The following CUL1 variants were observed in gnomAD, a reference collection of about 807,000 sequenced individuals.
CUL1 encodes cullin-1.
Under a neutral mutation model 118.0 loss-of-function variants are expected in CUL1, and 24 were observed. That is an observed-to-expected ratio of 0.20 (90% CI 0.15 to 0.29). The LOEUF is 0.29. Among genes scored for constraint, CUL1 ranks in the 10% least tolerant of loss-of-function variants. The pLI is 1.00. For missense variants in CUL1, 361 were observed against 933.8 expected, an observed-to-expected ratio of 0.39 and a Z score of 7.99; for synonymous variants, 332 against 340.4, an observed-to-expected ratio of 0.98 and a Z score of 0.27.
At chr7:148,788,525 A>G in intron 13 of CUL1, 32 bp from the exon 14 acceptor site, 2 of 1,395,616 alleles carry the variant, frequency 1.4e-6, no homozygotes, top group Non-Finnish European at 2.0e-6. Context: ...TTTTGTACAA[A>G]TTAATAAGAC....
intron 1 of CUL1, among the ~76,000 whole-genome samples, chr7:148,708,985 G>A (rs906190304): frequency 6.6e-6 from 1 of 152,188 alleles, no homozygotes; most frequent in Non-Finnish European, 1.5e-5. Context: ...TTACACTAAA[G>A]TTTTGTTTCA....
At chr7:148,784,420 A>C (rs1281133583) in intron 11 of CUL1, among the ~76,000 whole-genome samples, 1 of 152,136 alleles carries the variant, frequency 6.6e-6, no homozygotes, top group African/African-American at 2.4e-5. Context: ...GTGTAGTTTT[A>C]AATTTATTTT....
At chr7:148,757,943 CCTCCCGCAACATGT>C (rs1156367687) in intron 4 of CUL1, among the ~76,000 whole-genome samples, 1 of 152,198 alleles carries the variant, frequency 6.6e-6, no homozygotes, top group Non-Finnish European at 1.5e-5. Context: ...CCACTGGGTG[CCTCCCGCAACATGT>C]GGGAATTACG....
chr7:148,717,420 GT>G (rs897167781), intron 1 of CUL1, among the ~76,000 whole-genome samples: 5 of 152,196 alleles, frequency 3.3e-5, no homozygotes, highest in African/African-American at 1.2e-4. Context: ...AAGTTCAAAA[GT>G]ATAAATTTGA....
intron 2 of CUL1, among the ~76,000 whole-genome samples, chr7:148,736,653 C>T (rs935803465): frequency 6.6e-6 from 1 of 152,178 alleles, no homozygotes; most frequent in African/African-American, 2.4e-5. Flanking sequence ...ATTTTTTAAA[C>T]TTTATCCTAA....
At chr7:148,748,185 T>G (rs1322176359) in intron 2 of CUL1, among the ~76,000 whole-genome samples, 1 of 151,912 alleles carries the variant, frequency 6.6e-6, no homozygotes, top group Non-Finnish European at 1.5e-5. Context: ...CAAAACAGGA[T>G]CGTAGAAATT....
At chr7:148,748,737 G>A (rs1008483055) in intron 2 of CUL1, among the ~76,000 whole-genome samples, 1 of 152,116 alleles carries the variant, frequency 6.6e-6, no homozygotes, top group Non-Finnish European at 1.5e-5. Context: ...TTCTGGCCCA[G>A]CAGAAATTAT....
chr7:148,779,656 GTCA>G, intron 9 of CUL1, among the ~76,000 whole-genome samples: 1 of 152,314 alleles, frequency 6.6e-6, no homozygotes, highest in East Asian at 1.9e-4. Context: ...GAGTGATACA[GTCA>G]TGGAATCGAC....
At chr7:148,733,092 G>A (rs1396169962) in intron 2 of CUL1, among the ~76,000 whole-genome samples, 1 of 152,122 alleles carries the variant, frequency 6.6e-6, no homozygotes, top group East Asian at 1.9e-4. Flanking sequence ...AGCCAGTGGT[G>A]GTGGTGAGGC....
At chr7:148,738,169 A>G (rs1799021168) in intron 2 of CUL1, among the ~76,000 whole-genome samples, 1 of 152,180 alleles carries the variant, frequency 6.6e-6, no homozygotes, top group South Asian at 2.1e-4. Flanking sequence ...TGCTGTGGGT[A>G]ACAGAGACAT....
At chr7:148,716,764 A>G (rs564624449) in intron 1 of CUL1, among the ~76,000 whole-genome samples, 1 of 152,184 alleles carries the variant, frequency 6.6e-6, no homozygotes, top group South Asian at 2.1e-4. Context: ...TTTTTTTCTT[A>G]ACAGTTTTCA....
chr7:148,699,064 TGGC>T (rs924893127), intron 1 of CUL1, 35 bp downstream of exon 1: 19 of 152,480 alleles, frequency 1.2e-4, no homozygotes, highest in Non-Finnish European at 2.0e-4. Flanking sequence ...CGAGAGGAGG[TGGC>T]GGCGGCGGCG....
Position 148,791,207 on chromosome 7 carries a change from A to G in CUL1, c.1806+766A>G, listed in dbSNP as rs149850433. ...AAAAGTCCAAGCTCTTTCTACTTCC[A>G]CTTTTGTACTGAGTGGTCTTCACAA... is the stretch of plus-strand genomic sequence containing the variant. On this transcript the variant is annotated intron_variant, in intron 16 of 21. Transcript: ENST00000325222. 1.4e-4 allele frequency among the ~76,000 whole-genome samples: 22 copies of G among 152,302 alleles called. No individual in the cohort carries two copies. The East Asian group carries it at 4.2e-3, about 29-fold the overall frequency.
At chr7:148,778,421 T>G (rs1413002983) in intron 9 of CUL1, among the ~76,000 whole-genome samples, 1 of 152,164 alleles carries the variant, frequency 6.6e-6, no homozygotes, top group Non-Finnish European at 1.5e-5. Context: ...CCTTCCCAGA[T>G]AATGGTCCAA....
rs201726553 is a variant in CUL1, at chr7:148,754,163, A to G, written c.315+13A>G. ...AAATCTTCTTAAGGTAAGATGTTTT[A>G]TATATATACTGAGTATTCATAACAG... On this transcript the variant is annotated intron_variant, in intron 3 of 21. Coordinates refer to ENST00000325222, the MANE Select transcript of CUL1 (RefSeq NM_003592.3). 2.7e-6 allele frequency: 4 copies of G among 1,502,234 alleles called. No individual in the cohort carries two copies. The highest frequency in any genetic ancestry group is 1.4e-5 in the African/African-American group (1 of 71,508). The allele number at this position is 1,502,234 out of a possible 1,614,324, so 93.1% of individuals were successfully genotyped here. A position where few individuals can be genotyped will look rare whatever the true frequency, so the allele number is the denominator to read the frequency against.
intron 9 of CUL1, among the ~76,000 whole-genome samples, chr7:148,778,243 C>A (rs1295623400): frequency 1.3e-5 from 2 of 151,920 alleles, no homozygotes; most frequent in Non-Finnish European, 2.9e-5. Context: ...TAGAAAAGGC[C>A]TATTAAGAAA....
At position 148,787,501 on chromosome 7, in the gene CUL1, A is replaced by T. The variant is rs1312690859; in HGVS notation, c.1479+381A>T. On this transcript the variant is annotated intron_variant, in intron 13 of 21. Coordinates refer to ENST00000325222, the MANE Select transcript of CUL1 (RefSeq NM_003592.3). This position sits in a 1 kb window ranked among gnomAD's most constrained non-coding sequence, Gnocchi z 5.5. ...AAGCTCTTAGTCTCTCCAGGTTATGAGGCAGGCAGAGGAGTTTGTGCAGTG... is the reference window on the plus strand; with the variant it reads ...AAGCTCTTAGTCTCTCCAGGTTATGTGGCAGGCAGAGGAGTTTGTGCAGTG... 6.6e-6 allele frequency among the ~76,000 whole-genome samples: 1 copy of T among 152,128 alleles called. No individual in the cohort carries two copies. The highest frequency in any genetic ancestry group is 1.9e-4 in the East Asian group (1 of 5,186).
At chr7:148,728,834 C>G (rs1345491227) in intron 1 of CUL1, among the ~76,000 whole-genome samples, 3 of 152,186 alleles carry the variant, frequency 2.0e-5, no homozygotes, top group Non-Finnish European at 4.4e-5. Context: ...TTACACAGAG[C>G]TCTGTAATGC....
At chr7:148,793,944 A>G (rs1462898660) in intron 17 of CUL1, among the ~76,000 whole-genome samples, 1 of 152,154 alleles carries the variant, frequency 6.6e-6, no homozygotes, top group Non-Finnish European at 1.5e-5. Flanking sequence ...TAGCCATCCC[A>G]GTGGATGTGA....
Sources: gnomAD v4.1 joint callset for allele counts (sites outside exome capture counted in the v4.1 genomes callset) on GRCh38, gnomAD v4.1.1 for gene constraint, Gnocchi (gnomAD v3.1) non-coding constraint, MANE v1.5 for transcripts, NCBI Gene and HGNC (gene_info 2026-07-23, HGNC 2026-07-21) for gene names.